PDIA5: variants seen among roughly 807,000 people sequenced by gnomAD.
PDIA5 encodes protein disulfide isomerase family A member 5.
PDIA5 carries 58 observed loss-of-function variants against 77.6 expected under a neutral mutation model. The ratio of observed to expected loss-of-function variants is 0.75; its 90% CI spans 0.61 to 0.93. The LOEUF (loss-of-function observed/expected upper bound fraction) is 0.93. PDIA5 is among the 40% of genes least tolerant of loss of function. PDIA5 has a pLI of 0.00. For synonymous variants in PDIA5, 250 were observed against 252.1 expected (o/e 0.99, Z 0.08); for missense variants, 630 against 647.7 (o/e 0.97, Z 0.30).
At chr3:123,086,303 CATT>C (rs1197221853) in intron 1 of PDIA5, among the ~76,000 whole-genome samples, 10 of 152,184 alleles carry the variant, frequency 6.6e-5, no homozygotes, top group Non-Finnish European at 1.3e-4. Context: ...AGGGAAGTAT[CATT>C]ATCTGTATGT....
rs779038125 is a variant in PDIA5, at chr3:123,145,526, T to G, written c.915T>G (p.Cys305Trp). The G allele has an allele frequency of 6.2e-6, 10 of 1,613,748 alleles. No homozygotes were observed. The highest frequency in any genetic ancestry group is 5.0e-5 in the Admixed American group (3 of 60,028). Residue 305 changes from cysteine (C) to tryptophan (W), a missense_variant, in exon 12 of 17, where the codon TGT becomes TGG. Transcript: ENST00000316218. ...SVLVMFHAPW[C>W]GHCKKMKPEF... is the part of the protein sequence containing the mutation. ...TCTCTTGATCTCTCCCCACAGGGTG[T>G]GGCCACTGTAAGAAAATGAAGCCGG...
chr3:123,158,623 C>A (rs371264787), intron 15 of PDIA5, among the ~76,000 whole-genome samples: 2 of 152,332 alleles, frequency 1.3e-5, no homozygotes, highest in East Asian at 1.9e-4. Context: ...TTGTTCTAGA[C>A]CCCCATCTGT....
intron 11 of PDIA5, among the ~76,000 whole-genome samples, chr3:123,138,827 C>T (rs985029365): frequency 6.6e-6 from 1 of 152,172 alleles, no homozygotes; most frequent in African/African-American, 2.4e-5. Flanking sequence ...AAATTCCAAG[C>T]AAGGCAGGAA....
chr3:123,126,104 T>G (rs3792376), intron 10 of PDIA5, among the ~76,000 whole-genome samples: 82,185 of 151,954 alleles, frequency 0.54, 22,707 homozygotes, highest in Non-Finnish European at 0.59. Context: ...GTTTATGTGG[T>G]TTTTTTTAAG....
chr3:123,128,838 T>G (rs898465802), intron 10 of PDIA5, among the ~76,000 whole-genome samples: 7 of 152,222 alleles, frequency 4.6e-5, no homozygotes, highest in African/African-American at 1.7e-4. Flanking sequence ...GACCAGTTTC[T>G]TTTATGTTCT....
In PDIA5 at chr3:123,096,955, G is replaced by C. The variant is rs180778025; in HGVS notation, c.257+4513G>C. 1.2e-4 allele frequency among the ~76,000 whole-genome samples: 19 copies of C among 152,318 alleles called. No individual in the cohort carries two copies. The East Asian group carries it at 2.5e-3, about 20-fold the overall frequency. ...TAATTCCCGAGGCTGCGTCTCACAGGGGGCAAGGCTGTCCTATCAGGTGCT... is the reference window on the plus strand; with the variant it reads ...TAATTCCCGAGGCTGCGTCTCACAGCGGGCAAGGCTGTCCTATCAGGTGCT... On this transcript the variant is annotated intron_variant, in intron 3 of 16. Coordinates refer to ENST00000316218, the MANE Select transcript of PDIA5 (RefSeq NM_006810.4).
intron 5 of PDIA5, among the ~76,000 whole-genome samples, chr3:123,104,586 A>G (rs1052174039): frequency 2.0e-5 from 3 of 152,388 alleles, no homozygotes; most frequent in African/African-American, 7.2e-5. Context: ...GTCATAGGCC[A>G]GTTAAGTGAG....
Position 123,102,509 on chromosome 3 carries a change from GCA to G in PDIA5, c.341+16_341+17del, listed in dbSNP as rs1560515318. 1 of 1,593,234 alleles carries G rather than the reference GCA, an allele frequency of 6.3e-7. No homozygotes were observed. Among genetic ancestry groups the G allele is most frequent in the Admixed American group, 1.7e-5 (1 of 59,704 alleles). ...TTCCATTACCAGTAAGTACACATGGGCATTTCCAATTTCCAAGTAAGTGCCAA... is the reference window on the plus strand; with the variant it reads ...TTCCATTACCAGTAAGTACACATGGGTTTCCAATTTCCAAGTAAGTGCCAA... On this transcript the variant is annotated intron_variant, in intron 4 of 16. Coordinates refer to ENST00000316218, the MANE Select transcript of PDIA5 (RefSeq NM_006810.4).
intron 14 of PDIA5, among the ~76,000 whole-genome samples, chr3:123,151,622 GC>G: frequency 6.6e-6 from 1 of 152,302 alleles, no homozygotes; most frequent in Admixed American, 6.5e-5. Context: ...GCAGACATAA[GC>G]CCCCCGCCAC....
intron 11 of PDIA5, among the ~76,000 whole-genome samples, chr3:123,135,446 C>T (rs1170727047): frequency 6.6e-6 from 1 of 152,148 alleles, no homozygotes; most frequent in Admixed American, 6.5e-5. Flanking sequence ...CCCTTGCCTA[C>T]CCCCTGACTC....
chr3:123,138,530 A>G (rs976523955), intron 11 of PDIA5, among the ~76,000 whole-genome samples: 1 of 152,228 alleles, frequency 6.6e-6, no homozygotes, highest in Admixed American at 6.5e-5. Flanking sequence ...TTATTTCCTT[A>G]GGATAGGAAC....
chr3:123,127,515 A>G (rs1442769108), intron 10 of PDIA5, among the ~76,000 whole-genome samples: 3 of 152,210 alleles, frequency 2.0e-5, no homozygotes, highest in South Asian at 4.1e-4. Flanking sequence ...ACCACAATGC[A>G]CTATCTTGTC....
intron 14 of PDIA5, among the ~76,000 whole-genome samples, chr3:123,151,927 T>C (rs1306269827): frequency 1.1e-3 from 89 of 78,156 alleles, no homozygotes; most frequent in Admixed American, 2.5e-3. Flanking sequence ...CTTCCTTCCT[T>C]CCTGCCTTCC....
chr3:123,131,771 GT>G (rs1489775610), intron 11 of PDIA5, among the ~76,000 whole-genome samples: 2 of 151,972 alleles, frequency 1.3e-5, no homozygotes, highest in Non-Finnish European at 2.9e-5. Flanking sequence ...CCCATGGAGA[GT>G]GGAAAATTGA....
chr3:123,098,183 T>G (rs927918962), intron 3 of PDIA5, among the ~76,000 whole-genome samples: 1 of 152,140 alleles, frequency 6.6e-6, no homozygotes, highest in African/African-American at 2.4e-5. Context: ...CCATTCAGCT[T>G]ATGTGGATAA....
At chr3:123,118,771 G>A (rs575531952) in intron 8 of PDIA5, among the ~76,000 whole-genome samples, 3 of 152,298 alleles carry the variant, frequency 2.0e-5, no homozygotes, top group Non-Finnish European at 4.4e-5. Context: ...AGTATATGCC[G>A]ATGAATGAAT....
chr3:123,077,675 TGA>T (rs1159361442), intron 1 of PDIA5, among the ~76,000 whole-genome samples: 6 of 152,126 alleles, frequency 3.9e-5, no homozygotes, highest in African/African-American at 1.4e-4. Context: ...ACATCGGTAG[TGA>T]GATCCCCAAG....
At chr3:123,127,042 T>C (rs1935257703) in intron 10 of PDIA5, among the ~76,000 whole-genome samples, 1 of 152,254 alleles carries the variant, frequency 6.6e-6, no homozygotes, top group Non-Finnish European at 1.5e-5. Flanking sequence ...TGATCCATTT[T>C]GGGCAGGGTC....
chr3:123,099,591 G>A (rs1934530721), intron 3 of PDIA5, among the ~76,000 whole-genome samples: 1 of 152,232 alleles, frequency 6.6e-6, no homozygotes. Flanking sequence ...CAGGTGGAGT[G>A]AGGCAGGAGG....
Sources: allele counts gnomAD v4.1 joint callset (sites outside exome capture counted in the v4.1 genomes callset), GRCh38; gene constraint gnomAD v4.1.1; transcripts MANE v1.5; gene names NCBI Gene and HGNC (gene_info 2026-07-23, HGNC 2026-07-21).